The following SLCO1A2 variants were observed in gnomAD, a reference collection of about 807,000 sequenced individuals.
The protein encoded by SLCO1A2 is OATP-1.
Under a neutral mutation model 69.0 loss-of-function variants are expected in SLCO1A2, and 67 were observed. The observed-to-expected ratio is 0.97, with a 90% CI of 0.80 to 1.19. The LOEUF (loss-of-function observed/expected upper bound fraction) is 1.19, where lower values mean the gene tolerates loss of function less well. Ranked by LOEUF, SLCO1A2 falls within the 50% of genes most tolerant of loss-of-function variation. SLCO1A2 has a pLI of 0.00. For missense variants in SLCO1A2, 787 were observed against 793.7 expected (o/e 0.99, Z 0.10); for synonymous variants, 260 against 265.9 (o/e 0.98, Z 0.22).
intron 3 of SLCO1A2, among the ~76,000 whole-genome samples, chr12:21,315,051 C>T (rs1005341793): frequency 4.6e-5 from 7 of 152,182 alleles, no homozygotes; most frequent in African/African-American, 1.7e-4. Flanking sequence ...CATGTGACCT[C>T]TGGCCTCTCT....
chr12:21,387,449 C>G lies in SLCO1A2; in HGVS notation c.-190+7457G>C, dbSNP rs955347197. ...ACCCTTGGAACTTGATGCCCTACATCCCAGGCACTCCAATCATGGCTAAAA... is the reference window on the plus strand; with the variant it reads ...ACCCTTGGAACTTGATGCCCTACATGCCAGGCACTCCAATCATGGCTAAAA... On this transcript the variant is annotated intron_variant, in intron 1 of 15. Coordinates refer to the SLCO1A2 transcript ENST00000307378. Among the ~76,000 whole-genome samples, 3 of 152,120 alleles carry G rather than the reference C, an allele frequency of 2.0e-5. 1 individual carries two copies. The highest frequency in any genetic ancestry group is 4.4e-5 in the Non-Finnish European group (3 of 68,020).
chr12:21,338,689 T>G (rs1952968424), upstream of SLCO1A2, among the ~76,000 whole-genome samples: 3 of 151,966 alleles, frequency 2.0e-5, no homozygotes, highest in South Asian at 6.2e-4. Context: ...ATTATCCCAA[T>G]TCTTATTTTC....
intron 2 of SLCO1A2, among the ~76,000 whole-genome samples, chr12:21,359,388 G>A (rs1938632956): frequency 6.6e-6 from 1 of 151,882 alleles, no homozygotes; most frequent in African/African-American, 2.4e-5. Flanking sequence ...CACTCCTTGT[G>A]TAAAACATTA....
At chr12:21,331,998 G>A (rs1952648540) in intron 2 of SLCO1A2, among the ~76,000 whole-genome samples, 1 of 152,078 alleles carries the variant, frequency 6.6e-6, no homozygotes, top group African/African-American at 2.4e-5. Flanking sequence ...TTCATCAAAG[G>A]TCAGGGGCAC....
chr12:21,392,884 G>A (rs1270988696), intron 1 of SLCO1A2, among the ~76,000 whole-genome samples: 1 of 152,142 alleles, frequency 6.6e-6, no homozygotes, highest in Non-Finnish European at 1.5e-5. Context: ...CTCTGAAAAT[G>A]TATCTTAAGT....
intron 1 of SLCO1A2, among the ~76,000 whole-genome samples, chr12:21,401,139 A>G (rs1941688806): frequency 1.3e-5 from 2 of 152,160 alleles, no homozygotes; most frequent in Non-Finnish European, 1.5e-5. Flanking sequence ...CAAGAAAATG[A>G]GAAAATGAAA....
At chr12:21,318,678 T>C (rs568838029) in intron 3 of SLCO1A2, 104 bp downstream of exon 3, 3 of 922,916 alleles carry the variant, frequency 3.3e-6, no homozygotes, top group Non-Finnish European at 4.7e-6. Context: ...TATAACTCGG[T>C]CAGATTAAAT....
At chr12:21,406,158 A>ATG (rs902887265) in intron 1 of SLCO1A2, among the ~76,000 whole-genome samples, 2 of 152,122 alleles carry the variant, frequency 1.3e-5, no homozygotes, top group Non-Finnish European at 1.5e-5. Flanking sequence ...TATATTTAAA[A>ATG]TGTGTGTGTG....
intron 2 of SLCO1A2, among the ~76,000 whole-genome samples, chr12:21,333,460 A>T (rs1952734129): frequency 6.6e-6 from 1 of 152,122 alleles, no homozygotes; most frequent in Non-Finnish European, 1.5e-5. Flanking sequence ...ATGCTTCCTA[A>T]TGAATTTTGC....
intron 1 of SLCO1A2, among the ~76,000 whole-genome samples, chr12:21,405,078 C>G (rs1591921062): frequency 1.4e-5 from 2 of 144,116 alleles, no homozygotes; most frequent in African/African-American, 2.5e-5. Context: ...TTTTTAATGG[C>G]TTTTTTTTTT....
chr12:21,337,843 A>C (rs1480968901), upstream of SLCO1A2, among the ~76,000 whole-genome samples: 1 of 152,010 alleles, frequency 6.6e-6, no homozygotes, highest in Non-Finnish European at 1.5e-5. Context: ...CTAGATTCAG[A>C]GGAGGTACTA....
At chr12:21,343,731 G>GA (rs913342698) in intron 2 of SLCO1A2, among the ~76,000 whole-genome samples, 21 of 150,314 alleles carry the variant, frequency 1.4e-4, no homozygotes, top group East Asian at 3.9e-4. Flanking sequence ...CTCCTTTCCA[G>GA]AAAAAAAAAT....
chr12:21,388,263 T>G (rs1373262652), intron 1 of SLCO1A2, among the ~76,000 whole-genome samples: 1 of 151,966 alleles, frequency 6.6e-6, no homozygotes, highest in Non-Finnish European at 1.5e-5. Flanking sequence ...TTTTGAAATG[T>G]GAGGACATAA....
In SLCO1A2 at chr12:21,286,992, A is replaced by G. The variant is rs943808793; in HGVS notation, c.1610+5172T>C. Among the ~76,000 whole-genome samples, 4 of 147,040 alleles carry G rather than the reference A, an allele frequency of 2.7e-5. 1 individual carries two copies. The highest frequency in any genetic ancestry group is 1.0e-4 in the African/African-American group (4 of 39,628). On this transcript the variant is annotated intron_variant, in intron 12 of 14. Coordinates refer to ENST00000683939, the MANE Select transcript of SLCO1A2 (RefSeq NM_001386879.1). Reference sequence around the variant, plus strand: ...AAAACACCAAAAGCAATGGCAACAAAAGCCAAAATTGACAAATGGGATCTA... The same window carrying G: ...AAAACACCAAAAGCAATGGCAACAAGAGCCAAAATTGACAAATGGGATCTA...
chr12:21,309,565 T>C (rs1424521968), intron 4 of SLCO1A2, among the ~76,000 whole-genome samples: 1 of 152,194 alleles, frequency 6.6e-6, no homozygotes, highest in East Asian at 1.9e-4. Context: ...ATTTCCAATC[T>C]AGAATTTTAT....
chr12:21,376,312 CT>C (rs1309538859), intron 1 of SLCO1A2: 37 of 351,104 alleles, frequency 1.1e-4, no homozygotes, highest in East Asian at 3.6e-4. Flanking sequence ...TCCTTTATTA[CT>C]TTTTTTGAGA....
intron 2 of SLCO1A2, among the ~76,000 whole-genome samples, chr12:21,364,281 A>C (rs191118763): frequency 6.0e-4 from 92 of 152,326 alleles, no homozygotes; most frequent in African/African-American, 2.2e-3. Flanking sequence ...ATATAAACAG[A>C]ACCAAAGACA....
In SLCO1A2 at chr12:21,265,243, T is replaced by TTTTG. The variant is rs1941950008; in HGVS notation, c.*4301_*4304dup. 6.6e-6 allele frequency: 1 copy of TTTTG among 152,278 alleles called. No individual in the cohort carries two copies. 9.4% of individuals were successfully genotyped at this position (152,278 alleles called of 1,614,324 possible). ...CAGACTGGTCCAGACCTGCTTATCC[T>TTTTG]TTTGTTTCCCACAGCCTATTTCAGT... On this transcript the variant is annotated 3_prime_UTR_variant, in exon 15 of 15. Coordinates refer to ENST00000683939, the MANE Select transcript of SLCO1A2 (RefSeq NM_001386879.1).
intron 1 of SLCO1A2, among the ~76,000 whole-genome samples, chr12:21,384,239 G>T (rs934428210): frequency 1.9e-4 from 29 of 152,122 alleles, no homozygotes; most frequent in African/African-American, 6.0e-4. Flanking sequence ...ACAAAAGCGG[G>T]TACAAAACAA....
Sources: gnomAD v4.1 joint callset for allele counts (sites outside exome capture counted in the v4.1 genomes callset) on GRCh38, gnomAD v4.1.1 for gene constraint, MANE v1.5 for transcripts, NCBI Gene and HGNC (gene_info 2026-07-23, HGNC 2026-07-21) for gene names.